Variants in FRMPD4 observed in about 807,000 individuals in gnomAD.
FRMPD4 encodes the protein FERM and PDZ domain containing 4.
FRMPD4 carries 22 observed loss-of-function variants against 94.1 expected under a neutral mutation model. The observed-to-expected ratio is 0.23, with a 90% CI of 0.17 to 0.33. The LOEUF (loss-of-function observed/expected upper bound fraction) is 0.33. Among genes scored for constraint, FRMPD4 ranks in the 10% least tolerant of loss-of-function variants. FRMPD4 has a pLI of 1.00. For synonymous variants in FRMPD4, 631 were observed against 548.6 expected (o/e 1.15, Z -2.10); for missense variants, 1,111 against 1,339.9 (o/e 0.83, Z 2.67).
intron 1 of FRMPD4, among the ~76,000 whole-genome samples, chrX:12,333,360 G>A (rs1355100931): frequency 9.1e-6 from 1 of 110,437 alleles, no homozygotes; most frequent in African/African-American, 3.3e-5. Flanking sequence ...TTTATTTTTT[G>A]AACTCAGTTA....
chrX:11,944,210 T>C (rs1450339185), intron 3 of FRMPD4, among the ~76,000 whole-genome samples: 1 of 112,531 alleles, frequency 8.9e-6, no homozygotes, highest in East Asian at 2.8e-4. Context: ...ATATTTTTAA[T>C]GCTTTTATAG....
intron 1 of FRMPD4, among the ~76,000 whole-genome samples, chrX:11,826,289 A>G (rs1346633967): frequency 8.9e-6 from 1 of 111,831 alleles, no homozygotes; most frequent in Non-Finnish European, 1.9e-5. Context: ...GAGAATTTCT[A>G]TTTCAGCAGA....
At chrX:12,346,571 C>A (rs751472818) in intron 1 of FRMPD4, among the ~76,000 whole-genome samples, 1 of 111,643 alleles carries the variant, frequency 9.0e-6, no homozygotes, top group East Asian at 2.8e-4. Flanking sequence ...TAAGTATATT[C>A]CCTCCCTTTT....
Position 12,315,984 on chromosome X carries a change from C to T in FRMPD4, c.41+176972C>T, listed in dbSNP as rs928778374. ...TCCCATAATAAAGAATTATCTAGCC[C>T]AAAATATCAGTTATGCTGATGGTGA... On this transcript the variant is annotated intron_variant, in intron 1 of 16. Transcript: ENST00000675598. 4.5e-5 allele frequency among the ~76,000 whole-genome samples: 5 copies of T among 111,508 alleles called. No homozygotes were observed. In the East Asian group the frequency reaches 1.4e-3, roughly 31 times the overall value.
intron 3 of FRMPD4, among the ~76,000 whole-genome samples, chrX:12,081,160 A>G (rs779578136): frequency 8.9e-6 from 1 of 112,136 alleles, no homozygotes; most frequent in South Asian, 3.8e-4. Context: ...TGCTAAGACC[A>G]CAGAGAATGA....
chrX:12,323,903 G>A (rs184309451), intron 1 of FRMPD4, among the ~76,000 whole-genome samples: 2 of 111,904 alleles, frequency 1.8e-5, no homozygotes, highest in Non-Finnish European at 3.8e-5. Context: ...ATAAGTAAGA[G>A]GAGGATGCTG....
At chrX:11,847,766 G>A (rs2053587192) in intron 1 of FRMPD4, among the ~76,000 whole-genome samples, 1 of 106,388 alleles carries the variant, frequency 9.4e-6, no homozygotes, top group African/African-American at 3.5e-5. Flanking sequence ...ATCATTCTCA[G>A]TAAACTATCG....
intron 1 of FRMPD4, among the ~76,000 whole-genome samples, chrX:12,154,339 G>A (rs1203692618): frequency 8.9e-6 from 1 of 112,652 alleles, no homozygotes; most frequent in Non-Finnish European, 1.9e-5. Flanking sequence ...AGATGTAATA[G>A]CCCACACTTG....
chrX:11,925,228 G>A (rs2054080220), intron 3 of FRMPD4, among the ~76,000 whole-genome samples: 1 of 110,334 alleles, frequency 9.1e-6, no homozygotes, highest in Non-Finnish European at 1.9e-5. Flanking sequence ...ATATATATAT[G>A]CACCCAACAC....
At chrX:12,101,460 T>G (rs1452409949) in intron 3 of FRMPD4, among the ~76,000 whole-genome samples, 1 of 111,919 alleles carries the variant, frequency 8.9e-6, no homozygotes, top group African/African-American at 3.2e-5. Flanking sequence ...GTTTAATCCC[T>G]CTTCTACATG....
intron 2 of FRMPD4, among the ~76,000 whole-genome samples, chrX:12,507,835 C>T (rs867466080): frequency 9.0e-6 from 1 of 111,380 alleles, no homozygotes; most frequent in South Asian, 3.8e-4. Flanking sequence ...ATGAAAATGC[C>T]ATGACTCCTC....
intron 1 of FRMPD4, among the ~76,000 whole-genome samples, chrX:12,466,961 C>T (rs2057455999): frequency 8.9e-6 from 1 of 111,741 alleles, no homozygotes; most frequent in Admixed American, 9.5e-5. Context: ...TTAGCTCCAC[C>T]TTCTCTCTGT....
chrX:12,539,478 C>A (rs755421680), intron 2 of FRMPD4, among the ~76,000 whole-genome samples: 63 of 111,636 alleles, frequency 5.6e-4, no homozygotes, highest in Non-Finnish European at 1.0e-3. Flanking sequence ...CTGCAAGACA[C>A]ATATTTGTCA....
chrX:12,202,999 C>T (rs1018054932), intron 1 of FRMPD4, among the ~76,000 whole-genome samples: 1 of 111,942 alleles, frequency 8.9e-6, no homozygotes, highest in Non-Finnish European at 1.9e-5. Context: ...TTCTGGCTTC[C>T]ATACTGTGAG....
At chrX:11,944,561 A>C (rs2054178923) in intron 3 of FRMPD4, among the ~76,000 whole-genome samples, 1 of 111,667 alleles carries the variant, frequency 9.0e-6, no homozygotes, top group South Asian at 3.8e-4. Context: ...AGCGTAGGAG[A>C]CTAACTTGCA....
chrX:12,241,757 C>T (rs2057132168), intron 1 of FRMPD4, among the ~76,000 whole-genome samples: 1 of 110,939 alleles, frequency 9.0e-6, no homozygotes, highest in South Asian at 3.9e-4. Context: ...AAAAATTTGC[C>T]TGGCATGGTG....
chrX:12,563,947 C>T lies in FRMPD4; in HGVS notation c.159-45774C>T, dbSNP rs138334590. Among the ~76,000 whole-genome samples, 12 of 112,389 alleles carry T rather than the reference C, an allele frequency of 1.1e-4. No individual in the cohort carries two copies. In the East Asian group the frequency reaches 3.1e-3, roughly 29 times the overall value. On this transcript the variant is annotated intron_variant, in intron 2 of 16. Coordinates refer to ENST00000675598, the MANE Select transcript of FRMPD4 (RefSeq NM_001368397.1). Reference sequence around the variant, plus strand: ...ACTGTTATAAGAAATACACACTAAACTAGGGTGACTTAAACAATGAACATT... The same window carrying T: ...ACTGTTATAAGAAATACACACTAAATTAGGGTGACTTAAACAATGAACATT...
At position 12,609,793 on chromosome X, in the gene FRMPD4, G is replaced by A; in HGVS notation, c.231G>A (p.Arg77=). Residue 77 remains arginine, a synonymous_variant, in exon 3 of 17, where the codon CGG becomes CGA. Transcript: ENST00000675598. ...GCCAAATCATCCCTCCGGCTCCTCG[G>A]AAGGTGGAGATGAGAAGGGACCCCG... The part of the protein sequence containing the change: ...ESCQIIPPAP[R]KVEMRRDPVL... 1 of 1,209,549 alleles carries A rather than the reference G, an allele frequency of 8.3e-7. No homozygotes were observed.
chrX:11,993,119 A>G (rs1331370719), intron 3 of FRMPD4, among the ~76,000 whole-genome samples: 1 of 110,229 alleles, frequency 9.1e-6, no homozygotes, highest in Non-Finnish European at 1.9e-5. Context: ...TGGAGAGAAT[A>G]GGTTATTTTT....
Sources: allele counts gnomAD v4.1 joint callset (sites outside exome capture counted in the v4.1 genomes callset), GRCh38; gene constraint gnomAD v4.1.1; transcripts MANE v1.5; gene names NCBI Gene and HGNC (gene_info 2026-07-23, HGNC 2026-07-21).